The following DAB1 variants were observed in gnomAD, a reference collection of about 807,000 sequenced individuals.
DAB1 encodes the protein DAB adaptor protein 1.
A neutral mutation model predicts 64.6 loss-of-function variants in DAB1; 15 were observed. The ratio of observed to expected loss-of-function variants is 0.23; its 90% CI spans 0.16 to 0.36. The LOEUF is 0.36. Among genes scored for constraint, DAB1 ranks in the 10% least tolerant of loss-of-function variants. The pLI, the probability that DAB1 is intolerant of heterozygous loss-of-function variation, is 1.00. For missense variants in DAB1, 596 were observed against 706.7 expected, an observed-to-expected ratio of 0.84 and a Z score of 1.78; for synonymous variants, 235 against 251.9, an observed-to-expected ratio of 0.93 and a Z score of 0.64.
At chr1:57,659,184 A>G (rs1248883786) in intron 6 of DAB1, among the ~76,000 whole-genome samples, 3 of 152,204 alleles carry the variant, frequency 2.0e-5, no homozygotes, top group Admixed American at 2.0e-4. Flanking sequence ...AGCAGGGCAG[A>G]AAGCGGATCT....
At chr1:58,048,316 T>C (rs2100520396) in intron 5 of DAB1, 4 of 1,167,644 alleles carry the variant, frequency 3.4e-6, no homozygotes, top group Middle Eastern at 2.8e-4. Flanking sequence ...CCTTCATGGG[T>C]CCAAAATTTG....
At chr1:57,964,778 C>T (rs763435398) in intron 5 of DAB1, among the ~76,000 whole-genome samples, 13 of 151,812 alleles carry the variant, frequency 8.6e-5, no homozygotes, top group Non-Finnish European at 1.6e-4. Flanking sequence ...GCCTGGGACA[C>T]AGCAGAAATA....
chr1:57,380,641 G>C (rs1304288563), intron 1 of DAB1, among the ~76,000 whole-genome samples: 2 of 152,186 alleles, frequency 1.3e-5, no homozygotes, highest in Non-Finnish European at 2.9e-5. Flanking sequence ...AGGTGAAATG[G>C]CATTGGCCTC....
chr1:57,538,554 G>C (rs1315323449), intron 7 of DAB1, among the ~76,000 whole-genome samples: 2 of 152,322 alleles, frequency 1.3e-5, no homozygotes, highest in East Asian at 3.9e-4. Context: ...GCAAGCTTTA[G>C]ACAAGAAAGA....
intron 1 of DAB1, among the ~76,000 whole-genome samples, chr1:57,315,556 G>A (rs895595810): frequency 6.6e-6 from 1 of 152,178 alleles, no homozygotes; most frequent in Non-Finnish European, 1.5e-5. Flanking sequence ...AGGCTGGAGT[G>A]CAGTGGTGCG....
chr1:57,636,528 T>A (rs920341549), intron 7 of DAB1, among the ~76,000 whole-genome samples: 4 of 152,252 alleles, frequency 2.6e-5, no homozygotes, highest in Non-Finnish European at 4.4e-5. Context: ...CTTGCAATAA[T>A]CCAGATGAAC....
At chr1:57,263,312 GT>G (rs1342605859) in intron 2 of DAB1, among the ~76,000 whole-genome samples, 2 of 152,062 alleles carry the variant, frequency 1.3e-5, no homozygotes, top group Non-Finnish European at 2.9e-5. Flanking sequence ...TAGAGATGGG[GT>G]TTTACCATGC....
chr1:57,662,883 G>C (rs1262673611), intron 6 of DAB1, among the ~76,000 whole-genome samples: 1 of 152,128 alleles, frequency 6.6e-6, no homozygotes, highest in Admixed American at 6.5e-5. Context: ...AATTCTTTCT[G>C]TTTTTCCTCT....
intron 2 of DAB1, among the ~76,000 whole-genome samples, chr1:57,182,117 C>G (rs1005444384): frequency 6.6e-6 from 1 of 152,132 alleles, no homozygotes; most frequent in Admixed American, 6.5e-5. Flanking sequence ...GATCTCCTGA[C>G]CTTGTGATCT....
At position 57,744,078 on chromosome 1, in the gene DAB1, T is replaced by C. The variant is rs146179815; in HGVS notation, n.552-94413A>G. Among the ~76,000 whole-genome samples, 113 of 152,346 alleles carry C rather than the reference T, an allele frequency of 7.4e-4. No homozygotes were observed. The East Asian group carries it at 0.019, about 25-fold the overall frequency. ...TCCAGCTTGGGCATTAGGGCCATTA[T>C]GGATACGTCACAGTGCTGCAGAGAT... On this transcript the variant is annotated intron_variant and non_coding_transcript_variant, in intron 6 of 20. Coordinates refer to the DAB1 transcript ENST00000485760.
chr1:58,436,370 G>A (rs7524298), intron 3 of DAB1, among the ~76,000 whole-genome samples: 10,240 of 152,276 alleles, frequency 0.067, 466 homozygotes, highest in African/African-American at 0.14. Flanking sequence ...CTATCCTACA[G>A]GATTCTATAC....
chr1:57,782,458 G>C (rs1163640614), intron 6 of DAB1, among the ~76,000 whole-genome samples: 1 of 151,970 alleles, frequency 6.6e-6, no homozygotes, highest in South Asian at 2.1e-4. Flanking sequence ...ACGATGTCTC[G>C]ATCTGTGCAA....
At chr1:57,155,909 G>GT (rs529435306) in intron 2 of DAB1, among the ~76,000 whole-genome samples, 3 of 152,072 alleles carry the variant, frequency 2.0e-5, no homozygotes, top group African/African-American at 7.2e-5. Context: ...AGTTCTAACA[G>GT]TTTTTTTGTG....
intron 3 of DAB1, among the ~76,000 whole-genome samples, chr1:58,474,411 A>C (rs949573591): frequency 6.6e-6 from 1 of 152,120 alleles, no homozygotes; most frequent in African/African-American, 2.4e-5. Context: ...GAAAAAAAAA[A>C]AGCAACTACT....
intron 2 of DAB1, among the ~76,000 whole-genome samples, chr1:57,147,930 G>A (rs1022741957): frequency 7.2e-5 from 11 of 152,278 alleles, no homozygotes; most frequent in South Asian, 6.2e-4. Flanking sequence ...CAAAACCCAC[G>A]TTTGTGGTTT....
chr1:57,213,177 G>A (rs528249779), intron 2 of DAB1, among the ~76,000 whole-genome samples: 1 of 144,988 alleles, frequency 6.9e-6, no homozygotes, highest in South Asian at 2.3e-4. Flanking sequence ...ATTTTAAAAG[G>A]TACAAAGAAA....
chr1:57,550,103 C>A (rs1189605543), intron 7 of DAB1, among the ~76,000 whole-genome samples: 1 of 152,008 alleles, frequency 6.6e-6, no homozygotes, highest in African/African-American at 2.4e-5. Context: ...ATTCTGGGGC[C>A]CTTAATTAGC....
intron 2 of DAB1, among the ~76,000 whole-genome samples, chr1:57,182,616 T>A (rs1663094775): frequency 6.6e-6 from 1 of 152,154 alleles, no homozygotes; most frequent in South Asian, 2.1e-4. Flanking sequence ...AAAGACAGTG[T>A]TAAGAGATAG....
intron 3 of DAB1, among the ~76,000 whole-genome samples, chr1:58,451,245 C>T (rs1421262608): frequency 2.0e-5 from 3 of 152,162 alleles, no homozygotes; most frequent in Admixed American, 6.5e-5. Context: ...ACATGCCATA[C>T]ACCCAGCTAA....
Sources: allele counts gnomAD v4.1 joint callset (sites outside exome capture counted in the v4.1 genomes callset), GRCh38; gene constraint gnomAD v4.1.1; transcripts MANE v1.5; gene names NCBI Gene and HGNC (gene_info 2026-07-23, HGNC 2026-07-21).